Variants in REPS1 observed in about 807,000 individuals in gnomAD.
REPS1 encodes the protein ralBP1-associated Eps domain-containing protein 1.
In REPS1, 39 loss-of-function variants were observed where a neutral mutation model predicts 100.9. The observed-to-expected ratio is 0.39, with a 90% CI of 0.30 to 0.50. The LOEUF (loss-of-function observed/expected upper bound fraction) is 0.50, where lower values mean the gene tolerates loss of function less well. Among genes scored for constraint, REPS1 ranks in the 20% least tolerant of loss-of-function variants. The pLI, the probability that REPS1 is intolerant of heterozygous loss-of-function variation, is 0.86. For synonymous variants in REPS1, 324 were observed against 340.3 expected, an observed-to-expected ratio of 0.95 and a Z score of 0.53; for missense variants, 821 against 968.5, an observed-to-expected ratio of 0.85 and a Z score of 2.02.
chr6:138,917,344 G>A (rs1481714101), intron 13 of REPS1, among the ~76,000 whole-genome samples: 2 of 152,198 alleles, frequency 1.3e-5, no homozygotes, highest in Non-Finnish European at 2.9e-5. Flanking sequence ...TCTTTTTAGA[G>A]CTTCCACAAC....
intron 8 of REPS1, among the ~76,000 whole-genome samples, chr6:138,933,016 C>G (rs9484214): frequency 0.24 from 35,950 of 152,054 alleles, 5,104 homozygotes; most frequent in African/African-American, 0.4. Flanking sequence ...TCTGAAAGAT[C>G]TGTGTAACTC....
intron 7 of REPS1, among the ~76,000 whole-genome samples, chr6:138,941,986 C>T: frequency 6.6e-6 from 1 of 152,166 alleles, no homozygotes; most frequent in South Asian, 2.1e-4. Context: ...TCAAGTGATT[C>T]CCTTGCCTCA....
At chr6:138,961,802 C>T (rs1783758194) in intron 1 of REPS1, among the ~76,000 whole-genome samples, 1 of 152,206 alleles carries the variant, frequency 6.6e-6, no homozygotes, top group Non-Finnish European at 1.5e-5. Flanking sequence ...TTGATCCCAT[C>T]ACTGTGTACT....
chr6:138,957,619 A>C (rs1024631404), intron 1 of REPS1, among the ~76,000 whole-genome samples: 1 of 152,238 alleles, frequency 6.6e-6, no homozygotes, highest in South Asian at 2.1e-4. Flanking sequence ...GCAGGATGTC[A>C]GCTATGCAAC....
Position 138,987,604 on chromosome 6 carries a change from T to G in REPS1, c.79A>C (p.Lys27Gln). 6.4e-7 allele frequency: 1 copy of G among 1,551,104 alleles called. No individual in the cohort carries two copies. The highest frequency in any genetic ancestry group is 8.7e-7 in the Non-Finnish European group (1 of 1,146,704). ...LFSYCDIEST[K>Q]KVVVNGRVLE... ...ACCCGCCCGTTGACCACCACCTTCT[T>G]GGTGCTCTCAATGTCGCAGTAGGAG... is the stretch of plus-strand genomic sequence containing the variant. Residue 27 changes from lysine (K) to glutamine (Q), a missense_variant, in exon 1 of 20, where the codon AAG becomes CAG. Coordinates refer to ENST00000450536, the MANE Select transcript of REPS1 (RefSeq NM_001286611.2).
chr6:138,942,779 G>A (rs1238621791), intron 7 of REPS1, among the ~76,000 whole-genome samples: 1 of 152,056 alleles, frequency 6.6e-6, no homozygotes, highest in Non-Finnish European at 1.5e-5. Context: ...TTTTGAGACA[G>A]AATCTCGTTC....
chr6:138,934,013 G>C (rs1781645459), intron 8 of REPS1, among the ~76,000 whole-genome samples: 1 of 152,144 alleles, frequency 6.6e-6, no homozygotes, highest in Admixed American at 6.5e-5. Context: ...TCCAAAAATT[G>C]TTTCTGGGAT....
intron 8 of REPS1, among the ~76,000 whole-genome samples, chr6:138,934,888 A>G (rs919742405): frequency 1.3e-5 from 2 of 152,230 alleles, no homozygotes; most frequent in African/African-American, 4.8e-5. Context: ...AAAAATACGG[A>G]AAATGAAAAA....
chr6:138,981,879 AAACTCT>A (rs1562572121), intron 1 of REPS1, among the ~76,000 whole-genome samples: 1 of 152,136 alleles, frequency 6.6e-6, no homozygotes, highest in Admixed American at 6.5e-5. Context: ...CAATATACTA[AAACTCT>A]AACTCTGGGC....
intron 16 of REPS1, 74 bp from the exon 17 acceptor site, chr6:138,911,445 A>C: frequency 2.1e-6 from 2 of 948,570 alleles, no homozygotes; most frequent in Non-Finnish European, 3.3e-6. Flanking sequence ...ATATGTACCA[A>C]ATCAGAATAA....
In REPS1 at chr6:138,948,431, G is replaced by C. The variant is rs564730924; in HGVS notation, c.154-518C>G. Among the ~76,000 whole-genome samples the C allele has an allele frequency of 7.9e-5, 12 of 152,134 alleles. No homozygotes were observed. The South Asian group carries it at 2.3e-3, about 29-fold the overall frequency. ...CAATTTTTTCAGATGAGATTGAGTC[G>C]GGTTTTCCCTCTTATTTTCCAAATG... On this transcript the variant is annotated intron_variant, in intron 1 of 19. Coordinates refer to ENST00000450536, the MANE Select transcript of REPS1 (RefSeq NM_001286611.2).
At chr6:138,911,625 G>A (rs112132378) in intron 16 of REPS1, among the ~76,000 whole-genome samples, 7 of 151,630 alleles carry the variant, frequency 4.6e-5, no homozygotes, top group African/African-American at 1.7e-4. Context: ...GTGTGAGGGA[G>A]AGGAGGACAG....
intron 8 of REPS1, among the ~76,000 whole-genome samples, chr6:138,939,030 T>C (rs1351084200): frequency 2.0e-5 from 3 of 152,096 alleles, no homozygotes; most frequent in African/African-American, 2.4e-5. Context: ...TTTATAATGA[T>C]TTTTATGGAT....
intron 13 of REPS1, among the ~76,000 whole-genome samples, chr6:138,916,424 T>C (rs1780399885): frequency 2.0e-5 from 3 of 151,946 alleles, no homozygotes; most frequent in African/African-American, 7.3e-5. Context: ...TTTCACCATG[T>C]TGGCCAGGCT....
At chr6:138,951,576 GT>G (rs766545556) in intron 1 of REPS1, among the ~76,000 whole-genome samples, 41 of 152,254 alleles carry the variant, frequency 2.7e-4, no homozygotes, top group South Asian at 1.0e-3. Context: ...GTGCTTTGGA[GT>G]TGGTGTTATA....
intron 2 of REPS1, among the ~76,000 whole-genome samples, chr6:138,946,142 C>T (rs993508643): frequency 1.3e-5 from 2 of 152,154 alleles, no homozygotes; most frequent in African/African-American, 2.4e-5. Context: ...CTACTCACAC[C>T]GGGTCTTTAA....
chr6:138,911,391 T>C lies in REPS1; in HGVS notation c.1972-20A>G, dbSNP rs1332613965. 1 of 1,446,152 alleles carries C rather than the reference T, an allele frequency of 6.9e-7. No individual in the cohort carries two copies. Among genetic ancestry groups the C allele is most frequent in the Non-Finnish European group, 9.7e-7 (1 of 1,027,678 alleles). 89.6% of individuals were successfully genotyped at this position (1,446,152 alleles called of 1,614,324 possible). On this transcript the variant is annotated intron_variant, in intron 16 of 19. Coordinates refer to ENST00000450536, the MANE Select transcript of REPS1 (RefSeq NM_001286611.2). Reference sequence around the variant, plus strand: ...TTCAGCCTAAAAATGAATATGTTTATCACTATTAATTCTACATAACATGTA... The same window carrying C: ...TTCAGCCTAAAAATGAATATGTTTACCACTATTAATTCTACATAACATGTA...
intron 6 of REPS1, 77 bp from the exon 7 acceptor site, chr6:138,943,653 T>C (rs750361185): frequency 5.7e-5 from 66 of 1,162,972 alleles, no homozygotes; most frequent in Non-Finnish European, 5.7e-5. Context: ...AGTCTTAGAC[T>C]TTTTTAACTG....
At chr6:138,976,809 T>C (rs1784623867) in intron 1 of REPS1, among the ~76,000 whole-genome samples, 1 of 152,198 alleles carries the variant, frequency 6.6e-6, no homozygotes, top group Non-Finnish European at 1.5e-5. Flanking sequence ...AAATGTTAGC[T>C]TGATGCTAAT....
Sources: allele counts gnomAD v4.1 joint callset (sites outside exome capture counted in the v4.1 genomes callset), GRCh38; gene constraint gnomAD v4.1.1; transcripts MANE v1.5; gene names NCBI Gene and HGNC (gene_info 2026-07-23, HGNC 2026-07-21).